Variants in HMGXB3 observed in about 807,000 individuals in gnomAD.
HMGXB3 encodes the protein HMG domain-containing protein 3.
A neutral mutation model predicts 121.5 loss-of-function variants in HMGXB3; 45 were observed. The ratio of observed to expected loss-of-function variants is 0.37; its 90% CI spans 0.29 to 0.47. The LOEUF (loss-of-function observed/expected upper bound fraction) is 0.47, where lower values mean the gene tolerates loss of function less well. HMGXB3 is among the 20% of genes least tolerant of loss of function. The pLI is 0.99. For synonymous variants in HMGXB3, 590 were observed against 624.1 expected (o/e 0.95, Z 0.81); for missense variants, 1,376 against 1,602.2 (o/e 0.86, Z 2.41).
chr5:150,008,966 T>C (rs1283586758), intron 3 of HMGXB3, among the ~76,000 whole-genome samples: 1 of 152,244 alleles, frequency 6.6e-6, no homozygotes, highest in Non-Finnish European at 1.5e-5. Context: ...TCTCATCGAC[T>C]TCTTGCTTTT....
Position 150,006,500 on chromosome 5 carries a change from C to T in HMGXB3, c.165C>T (p.Asp55=), listed in dbSNP as rs1325161301. The T allele has an allele frequency of 1.9e-6, 3 of 1,551,666 alleles. No individual in the cohort carries two copies. Among genetic ancestry groups the T allele is most frequent in the Admixed American group, 2.0e-5 (1 of 50,982 alleles). The part of the protein sequence containing the change: ...PRSAYLLYYY[D]IYLKVQQELP... ...CTGCTTACCTTCTGTACTATTACGACATCTACCTGAAAGTGCAGCAGGAGC... is the reference window on the plus strand; with the variant it reads ...CTGCTTACCTTCTGTACTATTACGATATCTACCTGAAAGTGCAGCAGGAGC... The change falls in exon 3 of 20, where the codon GAC becomes GAT. Residue 55 remains aspartate (D), a synonymous_variant. Transcript: ENST00000502717.
intron 9 of HMGXB3, among the ~76,000 whole-genome samples, chr5:150,028,541 G>GTA (rs1554098997): frequency 1.7e-3 from 73 of 42,088 alleles, no homozygotes; most frequent in East Asian, 3.2e-3. Flanking sequence ...GTGTGTGTGT[G>GTA]TATATATATA....
Position 150,018,555 on chromosome 5 carries a change from T to C in HMGXB3, c.910-11T>C, listed in dbSNP as rs1208304670. 8 of 1,535,898 alleles carry C rather than the reference T, an allele frequency of 5.2e-6. No homozygotes were observed. In the Admixed American group the frequency reaches 1.4e-4, roughly 28 times the overall value. On this transcript the variant is annotated splice_polypyrimidine_tract_variant and intron_variant, in intron 5 of 19. Coordinates refer to ENST00000502717, the MANE Select transcript of HMGXB3 (RefSeq NM_014983.3). The stretch of plus-strand genomic sequence containing the variant: ...TTGTTCTATTGATTCTGATGTGCTC[T>C]TTATTTACAGACCACTACATATACC...
chr5:150,012,677 C>T (rs891024848), intron 5 of HMGXB3, among the ~76,000 whole-genome samples: 1 of 152,138 alleles, frequency 6.6e-6, no homozygotes, highest in African/African-American at 2.4e-5. Context: ...GGAAAATGAG[C>T]AGCCACTGAT....
intron 2 of HMGXB3, among the ~76,000 whole-genome samples, chr5:150,005,374 T>C (rs1755672194): frequency 6.6e-6 from 1 of 151,712 alleles, no homozygotes; most frequent in Non-Finnish European, 1.5e-5. Flanking sequence ...CTGAGACGGG[T>C]GGATCACCTG....
chr5:150,001,566 A>G (rs1755566316), intron 1 of HMGXB3, among the ~76,000 whole-genome samples: 1 of 152,222 alleles, frequency 6.6e-6, no homozygotes, highest in South Asian at 2.1e-4. Flanking sequence ...TAGGGTAAGT[A>G]GATTGCTTAA....
chr5:150,030,916 G>A (rs1756357887), intron 10 of HMGXB3, 77 bp downstream of exon 10: 1 of 1,018,640 alleles, frequency 9.8e-7, no homozygotes. Flanking sequence ...GTAGGAGGCT[G>A]GGGGAGAGGG....
intron 2 of HMGXB3, among the ~76,000 whole-genome samples, chr5:150,005,342 G>T (rs1244496791): frequency 6.6e-6 from 1 of 152,192 alleles, no homozygotes; most frequent in African/African-American, 2.4e-5. Context: ...GCTCATGCCT[G>T]TAATCCCAGC....
Position 150,051,844 on chromosome 5 carries a change from A to C in HMGXB3, c.3531A>C (p.Leu1177=). The C allele has an allele frequency of 6.4e-7, 1 of 1,550,672 alleles. No individual in the cohort carries two copies. The highest frequency in any genetic ancestry group is 8.7e-7 in the Non-Finnish European group (1 of 1,147,090). ...TATRRIVHAG[L]QPNPGDPSAG... ...CGCGGCGCATCGTCCATGCAGGCCTACAGCCCAATCCTGGTGACCCCAGTG... is the reference window on the plus strand; with the variant it reads ...CGCGGCGCATCGTCCATGCAGGCCTCCAGCCCAATCCTGGTGACCCCAGTG... The change falls in exon 20 of 20, where the codon CTA becomes CTC. Residue 1177 remains leucine, a synonymous_variant. Transcript: ENST00000502717.
Position 150,006,642 on chromosome 5 carries a change from G to T in HMGXB3, c.307G>T (p.Asp103Tyr). 1 of 1,551,460 alleles carries T rather than the reference G, an allele frequency of 6.4e-7. No homozygotes were observed. Among genetic ancestry groups the T allele is most frequent in the Non-Finnish European group, 8.7e-7 (1 of 1,146,806 alleles). ...AGCCAAACTAGAGAAGGAAGGTTTG[G>T]ATCCTGTAAGTAATTTTTTTTTCCA... is the stretch of plus-strand genomic sequence containing the variant. ...EKAKLEKEGL[D>Y]PNSKLSALTA... The change falls in exon 3 of 20, where the codon GAT becomes TAT. Residue 103 changes from aspartate (D) to tyrosine (Y), a missense_variant. By Grantham distance (160) the Asp-to-Tyr change is radical (BLOSUM62 -3). Transcript: ENST00000502717.
At chr5:150,013,798 C>T (rs1755897450) in intron 5 of HMGXB3, among the ~76,000 whole-genome samples, 1 of 152,212 alleles carries the variant, frequency 6.6e-6, no homozygotes. Flanking sequence ...TAAAGTTGTT[C>T]ATAACATTCC....
chr5:150,016,321 A>G (rs1033742664), intron 5 of HMGXB3, among the ~76,000 whole-genome samples: 2 of 147,832 alleles, frequency 1.4e-5, no homozygotes, highest in African/African-American at 5.0e-5. Context: ...AGCCTGAGCA[A>G]CAGAGTGAGA....
intron 6 of HMGXB3, among the ~76,000 whole-genome samples, chr5:150,019,767 G>A (rs4705105): frequency 0.12 from 18,109 of 152,198 alleles, 1,312 homozygotes; most frequent in Admixed American, 0.26. Flanking sequence ...ACTCAGCATG[G>A]TCCAAACTTG....
chr5:150,031,940 C>G (rs1756391964), intron 10 of HMGXB3, among the ~76,000 whole-genome samples: 1 of 151,860 alleles, frequency 6.6e-6, no homozygotes, highest in African/African-American at 2.4e-5. Flanking sequence ...CCTTCACTCA[C>G]CACTCCCTTT....
At chr5:150,029,135 G>A (rs555498352) in intron 9 of HMGXB3, among the ~76,000 whole-genome samples, 1 of 152,150 alleles carries the variant, frequency 6.6e-6, no homozygotes, top group East Asian at 1.9e-4. Context: ...TCCTGAATTT[G>A]TGTGTGTTTA....
chr5:150,013,237 T>C (rs1755884038), intron 5 of HMGXB3, among the ~76,000 whole-genome samples: 1 of 152,234 alleles, frequency 6.6e-6, no homozygotes. Context: ...ATGCCCTTTA[T>C]CATGTTTAGG....
chr5:150,011,576 T>G (rs1255275854), intron 4 of HMGXB3, among the ~76,000 whole-genome samples: 3 of 151,426 alleles, frequency 2.0e-5, no homozygotes, highest in Non-Finnish European at 2.9e-5. Context: ...ACTAGCCGGT[T>G]GTTGTTGTTG....
chr5:150,011,593 G>GGTTTTTTTTGTTT, intron 4 of HMGXB3, among the ~76,000 whole-genome samples: 2 of 134,150 alleles, frequency 1.5e-5, no homozygotes, highest in African/African-American at 7.4e-5. Flanking sequence ...GTTGTTGGTT[G>GGTTTTTTTTGTTT]TTTTTTTTTG....
chr5:150,007,450 A>T (rs1381903127), intron 3 of HMGXB3, among the ~76,000 whole-genome samples: 1 of 152,232 alleles, frequency 6.6e-6, no homozygotes, highest in African/African-American at 2.4e-5. Flanking sequence ...CAATAGAAAC[A>T]GTTGTCTGTA....
Sources: gnomAD v4.1 joint callset for allele counts (sites outside exome capture counted in the v4.1 genomes callset) on GRCh38, gnomAD v4.1.1 for gene constraint, MANE v1.5 for transcripts, NCBI Gene and HGNC (gene_info 2026-07-23, HGNC 2026-07-21) for gene names.